TMEM232: variants seen among roughly 807,000 people sequenced by gnomAD.
TMEM232 encodes transmembrane protein 232.
A neutral mutation model predicts 78.8 loss-of-function variants in TMEM232; 80 were observed. That is an observed-to-expected ratio of 1.01 (90% CI 0.85 to 1.22). TMEM232 has a LOEUF of 1.22. TMEM232 is among the 50% of genes most tolerant of loss of function. TMEM232 has a pLI of 0.00. For missense variants in TMEM232, 881 were observed against 742.2 expected (o/e 1.19, Z -2.17); for synonymous variants, 297 against 254.3 (o/e 1.17, Z -1.60).
intron 10 of TMEM232, among the ~76,000 whole-genome samples, chr5:110,589,349 CA>C (rs1779223641): frequency 6.6e-6 from 1 of 152,072 alleles, no homozygotes; most frequent in Admixed American, 6.6e-5. Flanking sequence ...AGAAAACGCC[CA>C]GGAACTTACG....
intron 2 of TMEM232, among the ~76,000 whole-genome samples, chr5:110,660,740 G>A (rs1789667208): frequency 1.3e-5 from 2 of 152,078 alleles, no homozygotes; most frequent in Non-Finnish European, 2.9e-5. Flanking sequence ...TGGGATACAT[G>A]TGATATTTTG....
At chr5:110,685,425 C>A (rs892512230) in intron 1 of TMEM232, among the ~76,000 whole-genome samples, 4 of 152,014 alleles carry the variant, frequency 2.6e-5, no homozygotes, top group Non-Finnish European at 5.9e-5. Flanking sequence ...AATCATTAGT[C>A]TTTGGAAAAA....
chr5:110,393,739 C>G (rs570581053), intron 3 of TMEM232, among the ~76,000 whole-genome samples: 38 of 151,996 alleles, frequency 2.5e-4, no homozygotes, highest in African/African-American at 9.2e-4. Context: ...GGTGGATCAC[C>G]TGAGGTCAGG....
chr5:110,500,514 A>G (rs574040668), intron 12 of TMEM232, among the ~76,000 whole-genome samples: 1 of 152,196 alleles, frequency 6.6e-6, no homozygotes, highest in South Asian at 2.1e-4. Flanking sequence ...TTATGATAAA[A>G]ATACAACATC....
intron 10 of TMEM232, among the ~76,000 whole-genome samples, chr5:110,581,956 G>T (rs530178227): frequency 2.8e-4 from 43 of 151,982 alleles, no homozygotes; most frequent in African/African-American, 9.6e-4. Context: ...ACTACAATGA[G>T]ATACCATCTC....
chr5:110,633,900 C>A (rs766420671), intron 5 of TMEM232, among the ~76,000 whole-genome samples: 3 of 152,046 alleles, frequency 2.0e-5, no homozygotes, highest in Non-Finnish European at 4.4e-5. Context: ...AAGATATAGA[C>A]TGGTTTAATA....
At chr5:110,735,782 T>A (rs951440617) in intron 1 of TMEM232, among the ~76,000 whole-genome samples, 2 of 152,232 alleles carry the variant, frequency 1.3e-5, no homozygotes, top group African/African-American at 4.8e-5. Context: ...ATGAACTTCA[T>A]GTGGCAAGGA....
intron 12 of TMEM232, among the ~76,000 whole-genome samples, chr5:110,509,560 A>G (rs1767458948): frequency 6.6e-6 from 1 of 152,210 alleles, no homozygotes; most frequent in African/African-American, 2.4e-5. Context: ...GTATTTTGAT[A>G]TGTGTAAATG....
At chr5:110,537,289 A>G (rs896867259) in intron 11 of TMEM232, among the ~76,000 whole-genome samples, 2 of 141,914 alleles carry the variant, frequency 1.4e-5, no homozygotes, top group African/African-American at 6.2e-5. Flanking sequence ...ATATATATAT[A>G]TATTTTTTTT....
chr5:110,396,364 A>G (rs973768879), intron 3 of TMEM232, among the ~76,000 whole-genome samples: 1 of 152,200 alleles, frequency 6.6e-6, no homozygotes, highest in African/African-American at 2.4e-5. Flanking sequence ...ACACTGGTTT[A>G]CCTATATAGA....
At chr5:110,463,551 CT>C (rs1561526992) in intron 12 of TMEM232, among the ~76,000 whole-genome samples, 1 of 152,088 alleles carries the variant, frequency 6.6e-6, no homozygotes, top group Non-Finnish European at 1.5e-5. Flanking sequence ...ACTTTATATG[CT>C]TCAAACCCTA....
At chr5:110,564,979 G>A (rs1317806052) in intron 11 of TMEM232, among the ~76,000 whole-genome samples, 2 of 151,922 alleles carry the variant, frequency 1.3e-5, no homozygotes, top group Middle Eastern at 3.2e-3. Flanking sequence ...GCTTGCCTCA[G>A]TTAGCACACC....
intron 2 of TMEM232, among the ~76,000 whole-genome samples, chr5:110,403,573 G>A (rs1324833872): frequency 1.3e-5 from 2 of 152,066 alleles, no homozygotes; most frequent in Admixed American, 6.6e-5. Flanking sequence ...AGCTTGTGAT[G>A]CTGCAGACCT....
intron 1 of TMEM232, among the ~76,000 whole-genome samples, chr5:110,737,521 T>C (rs556602701): frequency 6.6e-6 from 1 of 152,332 alleles, no homozygotes; most frequent in Non-Finnish European, 1.5e-5. Flanking sequence ...AAAGCTACTT[T>C]CTTCTCACCT....
chr5:110,725,250 A>C (rs566579602), intron 1 of TMEM232, among the ~76,000 whole-genome samples: 1 of 152,320 alleles, frequency 6.6e-6, no homozygotes, highest in South Asian at 2.1e-4. Context: ...TGCATATACT[A>C]AGATTTCTCA....
chr5:110,511,804 C>T (rs1010831282), intron 12 of TMEM232, among the ~76,000 whole-genome samples: 6 of 152,130 alleles, frequency 3.9e-5, no homozygotes, highest in African/African-American at 1.4e-4. Flanking sequence ...CTCACTCTAC[C>T]ACATAAAACA....
intron 1 of TMEM232, among the ~76,000 whole-genome samples, chr5:110,704,738 C>T (rs1795761053): frequency 6.6e-6 from 1 of 152,008 alleles, no homozygotes; most frequent in African/African-American, 2.4e-5. Context: ...CCAGGGCCCC[C>T]GTTTAAGGAA....
chr5:110,711,441 C>A (rs186025602), intron 1 of TMEM232, among the ~76,000 whole-genome samples: 54 of 152,122 alleles, frequency 3.5e-4, no homozygotes, highest in Admixed American at 8.5e-4. Context: ...CACAAAAGAC[C>A]CAGAACGGCC....
At chr5:110,404,986 G>A (rs769330) in intron 2 of TMEM232, among the ~76,000 whole-genome samples, 26,897 of 151,994 alleles carry the variant, frequency 0.18, 4,610 homozygotes, top group African/African-American at 0.43. Flanking sequence ...AAGTTTCTCT[G>A]TCTGAATATT....
Sources: allele counts gnomAD v4.1 joint callset (sites outside exome capture counted in the v4.1 genomes callset), GRCh38; gene constraint gnomAD v4.1.1; transcripts MANE v1.5; gene names NCBI Gene and HGNC (gene_info 2026-07-23, HGNC 2026-07-21).